UBE2F: variants seen among roughly 807,000 people sequenced by gnomAD.
UBE2F encodes ubiquitin conjugating enzyme E2 F (putative).
In UBE2F, 5 loss-of-function variants were observed where a neutral mutation model predicts 29.6. That is an observed-to-expected ratio of 0.17 (90% CI 0.09 to 0.36). The LOEUF (loss-of-function observed/expected upper bound fraction) is 0.36. Ranked by LOEUF, UBE2F falls within the 10% of genes least tolerant of loss-of-function variation. The pLI, the probability that UBE2F is intolerant of heterozygous loss-of-function variation, is 1.00. For missense variants in UBE2F, 141 were observed against 228.5 expected, an observed-to-expected ratio of 0.62 and a Z score of 2.47; for synonymous variants, 66 against 81.8, an observed-to-expected ratio of 0.81 and a Z score of 1.04.
chr2:237,989,447 G>A (rs1349767003), intron 3 of UBE2F, among the ~76,000 whole-genome samples: 2 of 152,128 alleles, frequency 1.3e-5, no homozygotes, highest in African/African-American at 4.8e-5. Flanking sequence ...CTGCCTCCTA[G>A]GTTCAAGTGA....
chr2:238,026,440 C>T (rs1280964626), intron 6 of UBE2F, among the ~76,000 whole-genome samples: 1 of 152,068 alleles, frequency 6.6e-6, no homozygotes, highest in African/African-American at 2.4e-5. Flanking sequence ...GGATCCCTTT[C>T]TCTTTTTTTT....
intron 5 of UBE2F, among the ~76,000 whole-genome samples, chr2:238,021,309 A>G (rs964579152): frequency 6.6e-6 from 1 of 152,210 alleles, no homozygotes. Flanking sequence ...GACGACCACA[A>G]GTGACACCTG....
chr2:237,986,260 C>A, intron 2 of UBE2F: 1 of 311,420 alleles, frequency 3.2e-6, no homozygotes, highest in Non-Finnish European at 6.2e-6. Flanking sequence ...GGTGATCCTC[C>A]CACTTCAATA....
intron 3 of UBE2F, among the ~76,000 whole-genome samples, chr2:237,989,917 G>A (rs1044721286): frequency 6.6e-5 from 10 of 151,784 alleles, no homozygotes; most frequent in African/African-American, 2.4e-4. Context: ...TCAGGAGTTC[G>A]AGACCAGCTT....
intron 8 of UBE2F, 151 bp from the exon 9 acceptor site, chr2:238,035,727 A>C: frequency 1.7e-6 from 1 of 596,798 alleles, no homozygotes. Flanking sequence ...TTTTGGTATC[A>C]CAAGCACTTG....
chr2:238,036,046 G>A, intron 9 of UBE2F, 106 bp downstream of exon 9: 1 of 1,007,176 alleles, frequency 9.9e-7, no homozygotes, highest in Non-Finnish European at 1.5e-6. Context: ...AGAGAGTGGT[G>A]GGATGCAAGG....
intron 9 of UBE2F, among the ~76,000 whole-genome samples, chr2:238,039,986 C>T (rs2064804425): frequency 6.6e-6 from 1 of 152,206 alleles, no homozygotes; most frequent in Admixed American, 6.5e-5. Context: ...AGGGTTTCTG[C>T]ACAGTCCCCC....
intron 4 of UBE2F, among the ~76,000 whole-genome samples, chr2:238,012,853 G>T (rs2064069740): frequency 6.6e-6 from 1 of 152,170 alleles, no homozygotes; most frequent in Non-Finnish European, 1.5e-5. Flanking sequence ...TTTTACAGTG[G>T]TCTAGGGTTT....
At chr2:237,969,013 G>C (rs1330357016) in intron 1 of UBE2F, 1 of 186,362 alleles carries the variant, frequency 5.4e-6, no homozygotes, top group Non-Finnish European at 1.0e-5. Context: ...ATTAGGCCTT[G>C]GGTTTATTCT....
intron 4 of UBE2F, among the ~76,000 whole-genome samples, chr2:237,998,567 G>A (rs1416389414): frequency 6.7e-6 from 1 of 150,162 alleles, no homozygotes. Context: ...CTAGGTTTTG[G>A]CTAGTATCAA....
chr2:238,029,433 A>T (rs2064518031), intron 6 of UBE2F, among the ~76,000 whole-genome samples: 1 of 152,126 alleles, frequency 6.6e-6, no homozygotes. Flanking sequence ...CTAAAAATTC[A>T]AAAAACAAAA....
chr2:237,974,099 T>C (rs1419412003), intron 2 of UBE2F, among the ~76,000 whole-genome samples: 1 of 152,040 alleles, frequency 6.6e-6, no homozygotes, highest in African/African-American at 2.4e-5. Flanking sequence ...GTTCCAGCAA[T>C]TCTCCTGCCT....
intron 4 of UBE2F, among the ~76,000 whole-genome samples, chr2:237,996,693 C>T (rs2063699734): frequency 1.3e-5 from 2 of 152,104 alleles, no homozygotes; most frequent in African/African-American, 2.4e-5. Flanking sequence ...CCAGGCTAGT[C>T]TCAAACTCCT....
intron 4 of UBE2F, among the ~76,000 whole-genome samples, chr2:238,010,393 G>A (rs963989579): frequency 5.5e-4 from 83 of 152,254 alleles, no homozygotes; most frequent in African/African-American, 1.4e-3. Flanking sequence ...GGCTGGTCTC[G>A]AACTCTTGAC....
intron 2 of UBE2F, among the ~76,000 whole-genome samples, chr2:237,978,085 C>A (rs889158261): frequency 6.6e-6 from 1 of 152,184 alleles, no homozygotes; most frequent in African/African-American, 2.4e-5. Flanking sequence ...ACAAGCACAG[C>A]CCTTCAGAGC....
intron 3 of UBE2F, among the ~76,000 whole-genome samples, chr2:237,994,470 A>G (rs567627873): frequency 3.9e-5 from 6 of 152,318 alleles, no homozygotes; most frequent in African/African-American, 1.4e-4. Context: ...TAAATGGTTT[A>G]GTGACCACTT....
At chr2:237,975,242 C>G (rs2063257130) in intron 2 of UBE2F, among the ~76,000 whole-genome samples, 1 of 152,072 alleles carries the variant, frequency 6.6e-6, no homozygotes, top group South Asian at 2.1e-4. Flanking sequence ...GTTGGGACTA[C>G]AAGCGTGCAC....
intron 1 of UBE2F, among the ~76,000 whole-genome samples, chr2:237,971,092 CTG>C (rs1296462020): frequency 6.6e-6 from 1 of 152,174 alleles, no homozygotes; most frequent in Non-Finnish European, 1.5e-5. Flanking sequence ...GTGTGAGAAA[CTG>C]TGTAAGAGAC....
At chr2:237,971,105 C>T (rs1342403904) in intron 1 of UBE2F, among the ~76,000 whole-genome samples, 1 of 152,136 alleles carries the variant, frequency 6.6e-6, no homozygotes, top group Non-Finnish European at 1.5e-5. Context: ...TGTAAGAGAC[C>T]TGGGTGAAAA....
Sources: gnomAD v4.1 joint callset for allele counts (sites outside exome capture counted in the v4.1 genomes callset) on GRCh38, gnomAD v4.1.1 for gene constraint, MANE v1.5 for transcripts, NCBI Gene and HGNC (gene_info 2026-07-23, HGNC 2026-07-21) for gene names.